GFM2: variants seen among roughly 807,000 people sequenced by gnomAD.
GFM2 encodes ribosome-releasing factor 2, mitochondrial.
A neutral mutation model predicts 95.4 loss-of-function variants in GFM2; 72 were observed. That is an observed-to-expected ratio of 0.76 (90% CI 0.62 to 0.92). The LOEUF is 0.92. GFM2 is among the 40% of genes least tolerant of loss of function. The pLI is 0.00. For missense variants in GFM2, 825 were observed against 924.1 expected (o/e 0.89, Z 1.39); for synonymous variants, 276 against 317.5 (o/e 0.87, Z 1.39).
chr5:74,763,684 A>G lies in GFM2; in HGVS notation c.59T>C (p.Ile20Thr), dbSNP rs765078389. The change falls in exon 2 of 21, where the codon ATT (isoleucine) becomes ACT (threonine). Residue 20 changes from isoleucine (I) to threonine (T), a missense_variant. Ile to Thr is a moderately conservative substitution (Grantham distance 89). Transcript: ENST00000296805. ...MSHQTIPSVYINNICCYKIRA... is the reference protein window; with the variant it reads ...MSHQTIPSVYTNNICCYKIRA... ...AATTTTATAAGAAATGCTTACATTA[A>G]TATACACACTGGGTATTGTCTGATG... 5.2e-5 allele frequency: 82 copies of G among 1,565,528 alleles called. 1 individual carries two copies. The South Asian group carries it at 6.7e-4, about 13-fold the overall frequency.
intron 5 of GFM2, among the ~76,000 whole-genome samples, chr5:74,754,875 G>T (rs753845541): frequency 7.9e-5 from 12 of 152,168 alleles, no homozygotes; most frequent in Admixed American, 6.5e-5. Flanking sequence ...CAGCACTTTG[G>T]AAGGCTGAGG....
rs1554038796 is a variant in GFM2 at position 74,732,978 on chromosome 5, A to ACT, written c.1587+42_1587+43dup. 2.7e-4 allele frequency: 256 copies of ACT among 946,786 alleles called. 3 individuals carry two copies. In the African/African-American group the frequency reaches 3.5e-3, roughly 13 times the overall value. 58.6% of individuals were successfully genotyped at this position (946,786 alleles called of 1,614,324 possible). ...CACACACACACACACACACACACAC[A>ACT]CTCTTATAGAAAGGCTTCTGGAGTT... is the stretch of plus-strand genomic sequence containing the variant. On this transcript the variant is annotated intron_variant, in intron 16 of 20. Coordinates refer to ENST00000296805, the MANE Select transcript of GFM2 (RefSeq NM_032380.5).
intron 5 of GFM2, among the ~76,000 whole-genome samples, chr5:74,756,659 GTGTGTGTATATATATATACACA>G (rs1397193665): frequency 3.0e-5 from 4 of 131,276 alleles, no homozygotes; most frequent in Non-Finnish European, 6.2e-5. Flanking sequence ...AGTGTAAAGT[GTGTGTGTATATATATATACACA>G]CACATATACA....
At chr5:74,738,019 T>A (rs1186231307) in intron 14 of GFM2, among the ~76,000 whole-genome samples, 2 of 152,134 alleles carry the variant, frequency 1.3e-5, no homozygotes, top group Non-Finnish European at 2.9e-5. Context: ...AAACAATATT[T>A]TATATAAACT....
At chr5:74,765,498 G>A in intron 1 of GFM2, among the ~76,000 whole-genome samples, 1 of 152,188 alleles carries the variant, frequency 6.6e-6, no homozygotes, top group East Asian at 1.9e-4. Context: ...AGAGATCAAG[G>A]AAGGCCTCAT....
intron 10 of GFM2, among the ~76,000 whole-genome samples, chr5:74,743,108 C>T (rs1224384507): frequency 1.3e-5 from 2 of 152,198 alleles, no homozygotes; most frequent in Admixed American, 6.5e-5. Flanking sequence ...CTTCCCCAGC[C>T]CATGGCAACT....
intron 5 of GFM2, among the ~76,000 whole-genome samples, chr5:74,754,075 A>G (rs1743852235): frequency 6.6e-6 from 1 of 152,160 alleles, no homozygotes; most frequent in South Asian, 2.1e-4. Context: ...CCTTAAACAA[A>G]ACAATTATCA....
chr5:74,726,996 G>A (rs539659099), intron 17 of GFM2, among the ~76,000 whole-genome samples: 202 of 152,110 alleles, frequency 1.3e-3, no homozygotes, highest in African/African-American at 2.0e-3. Context: ...GCAAGACTCC[G>A]TCTCTGTAAA....
intron 17 of GFM2, 121 bp downstream of exon 17, chr5:74,730,138 AC>A: frequency 1.1e-6 from 1 of 898,148 alleles, no homozygotes; most frequent in Non-Finnish European, 1.6e-6. Flanking sequence ...AACCCCACAT[AC>A]ATAAAAACTG....
chr5:74,748,848 GA>G (rs1289558936), intron 7 of GFM2, among the ~76,000 whole-genome samples: 1 of 139,554 alleles, frequency 7.2e-6, no homozygotes, highest in Non-Finnish European at 1.5e-5. Context: ...CTGGGCGACA[GA>G]GTGAGACTCC....
At chr5:74,741,949 T>C (rs532963754) in intron 10 of GFM2, 1 of 164,286 alleles carries the variant, frequency 6.1e-6, no homozygotes, top group East Asian at 1.7e-4. Context: ...CTTTCTTAGA[T>C]AAATCTGGAG....
chr5:74,757,606 G>A (rs1181243138), intron 5 of GFM2, among the ~76,000 whole-genome samples: 1 of 151,880 alleles, frequency 6.6e-6, no homozygotes, highest in Non-Finnish European at 1.5e-5. Flanking sequence ...GCACCTGCCT[G>A]TAGTCCCAGC....
intron 15 of GFM2, 135 bp downstream of exon 15, chr5:74,736,661 C>G: frequency 6.8e-6 from 10 of 1,471,374 alleles, no homozygotes; most frequent in Non-Finnish European, 9.0e-6. Context: ...ACAAGACCAA[C>G]CACAAGAAAT....
intron 5 of GFM2, among the ~76,000 whole-genome samples, chr5:74,757,088 T>C (rs1561261199): frequency 1.3e-5 from 2 of 152,058 alleles, no homozygotes; most frequent in South Asian, 4.1e-4. Context: ...AAATAAGCCT[T>C]AGGGGAGAAA....
intron 5 of GFM2, 48 bp downstream of exon 5, chr5:74,758,801 G>C: frequency 8.5e-7 from 1 of 1,171,062 alleles, no homozygotes; most frequent in Non-Finnish European, 1.3e-6. Context: ...ATTTTCCAAT[G>C]ATGCTTTTGC....
chr5:74,730,070 T>C (rs1009195088), intron 17 of GFM2, among the ~76,000 whole-genome samples, 190 bp downstream of exon 17: 25 of 152,170 alleles, frequency 1.6e-4, no homozygotes, highest in Non-Finnish European at 5.9e-5. Context: ...GGAGATGTTA[T>C]GGCTGATAAT....
chr5:74,754,490 A>G (rs2314937), intron 5 of GFM2, among the ~76,000 whole-genome samples: 131 of 151,932 alleles, frequency 8.6e-4, no homozygotes, highest in African/African-American at 3.1e-3. Flanking sequence ...TAAAGACTCA[A>G]ATAAACTTAA....
chr5:74,760,687 G>A (rs1744234570), intron 3 of GFM2, among the ~76,000 whole-genome samples: 1 of 152,144 alleles, frequency 6.6e-6, no homozygotes, highest in Non-Finnish European at 1.5e-5. Flanking sequence ...CCTTTGCTCA[G>A]TTCATCAGCG....
At chr5:74,738,749 T>G (rs2112265262) in intron 12 of GFM2, 107 bp from the exon 13 acceptor site, 1 of 975,452 alleles carries the variant, frequency 1.0e-6, no homozygotes, top group East Asian at 2.6e-5. Flanking sequence ...GTAGAGCTAC[T>G]TAGAGCCACT....
Sources: allele counts gnomAD v4.1 joint callset (sites outside exome capture counted in the v4.1 genomes callset), GRCh38; gene constraint gnomAD v4.1.1; transcripts MANE v1.5; gene names NCBI Gene and HGNC (gene_info 2026-07-23, HGNC 2026-07-21).